The following ZSWIM6 variants were observed in gnomAD, a reference collection of about 807,000 sequenced individuals.
The protein encoded by ZSWIM6 is zinc finger SWIM-type containing 6, also known as zinc finger SWIM domain-containing protein 6.
A neutral mutation model predicts 113.2 loss-of-function variants in ZSWIM6; 9 were observed. The ratio of observed to expected loss-of-function variants is 0.08; its 90% CI spans 0.05 to 0.14. The LOEUF (loss-of-function observed/expected upper bound fraction) is 0.14, where lower values mean the gene tolerates loss of function less well. Among genes scored for constraint, ZSWIM6 ranks in the 10% least tolerant of loss-of-function variants. The probability of loss-of-function intolerance (pLI) is 1.00; values close to 1 mark genes in which losing one functional copy is unlikely to be tolerated. For synonymous variants in ZSWIM6, 611 were observed against 606.5 expected (o/e 1.01, Z -0.11); for missense variants, 1,162 against 1,552.2 (o/e 0.75, Z 4.22).
intron 1 of ZSWIM6, among the ~76,000 whole-genome samples, chr5:61,369,773 C>T (rs979306640): frequency 6.6e-6 from 1 of 152,128 alleles, no homozygotes; most frequent in Non-Finnish European, 1.5e-5. Flanking sequence ...CCTGCCATAC[C>T]TCAGAAACTG....
chr5:61,411,958 A>G (rs1746155864), intron 1 of ZSWIM6, among the ~76,000 whole-genome samples: 1 of 152,218 alleles, frequency 6.6e-6, no homozygotes, highest in Non-Finnish European at 1.5e-5. Flanking sequence ...TAGGAAATTA[A>G]TCAAAGACAT....
intron 1 of ZSWIM6, among the ~76,000 whole-genome samples, chr5:61,415,658 A>G (rs947499895): frequency 6.6e-6 from 1 of 151,822 alleles, no homozygotes; most frequent in Non-Finnish European, 1.5e-5. Context: ...TGGATATGAC[A>G]TGGGGACTGA....
At chr5:61,422,293 A>G (rs1465577643) in intron 1 of ZSWIM6, among the ~76,000 whole-genome samples, 1 of 152,168 alleles carries the variant, frequency 6.6e-6, no homozygotes, top group East Asian at 1.9e-4. Flanking sequence ...ATGGATATCT[A>G]ATTTTCCCAG....
intron 1 of ZSWIM6, among the ~76,000 whole-genome samples, chr5:61,444,209 G>A (rs1579999445): frequency 6.7e-6 from 1 of 148,208 alleles, no homozygotes; most frequent in Non-Finnish European, 1.5e-5. Flanking sequence ...TTGGTTTTTT[G>A]TCCCTGCGAT....
chr5:61,341,389 T>G (rs1388042605), intron 1 of ZSWIM6, among the ~76,000 whole-genome samples: 1 of 152,242 alleles, frequency 6.6e-6, no homozygotes, highest in Non-Finnish European at 1.5e-5. Context: ...CATCTCACAT[T>G]CATTTCAATG....
intron 9 of ZSWIM6, among the ~76,000 whole-genome samples, chr5:61,532,125 C>T (rs1749451357): frequency 6.6e-6 from 1 of 152,176 alleles, no homozygotes; most frequent in Admixed American, 6.5e-5. Context: ...GCTGGCCTTC[C>T]TCCAAATTAT....
intron 1 of ZSWIM6, among the ~76,000 whole-genome samples, chr5:61,431,308 G>C (rs1365657109): frequency 6.9e-6 from 1 of 145,854 alleles, no homozygotes; most frequent in East Asian, 2.1e-4. Context: ...GGGAGGCAGA[G>C]GTTGCAGTGA....
intron 1 of ZSWIM6, among the ~76,000 whole-genome samples, chr5:61,383,579 A>C (rs1745529278): frequency 6.6e-6 from 1 of 151,810 alleles, no homozygotes; most frequent in Non-Finnish European, 1.5e-5. Flanking sequence ...TCTGTTGCCC[A>C]GGCTGGAGTG....
intron 9 of ZSWIM6, among the ~76,000 whole-genome samples, chr5:61,533,652 A>T (rs1749502312): frequency 6.6e-6 from 1 of 152,212 alleles, no homozygotes; most frequent in Admixed American, 6.5e-5. Flanking sequence ...CCTGAATAGT[A>T]CAAAAAAGGT....
intron 1 of ZSWIM6, among the ~76,000 whole-genome samples, chr5:61,334,988 G>A (rs1744363553): frequency 2.6e-5 from 4 of 152,008 alleles, no homozygotes; most frequent in Admixed American, 2.6e-4. Flanking sequence ...TTTCTTGGCT[G>A]ATTGCATTTA....
At chr5:61,538,223 G>A (rs1258844087) in intron 10 of ZSWIM6, among the ~76,000 whole-genome samples, 1 of 152,226 alleles carries the variant, frequency 6.6e-6, no homozygotes, top group Non-Finnish European at 1.5e-5. Context: ...AATATGGTTG[G>A]TAGAACATAG....
At chr5:61,438,329 C>T (rs1310642685) in intron 1 of ZSWIM6, among the ~76,000 whole-genome samples, 3 of 152,174 alleles carry the variant, frequency 2.0e-5, no homozygotes, top group Non-Finnish European at 4.4e-5. Context: ...AAATTTAACA[C>T]CTCTTCTGCT....
chr5:61,340,274 A>G (rs748294387), intron 1 of ZSWIM6, among the ~76,000 whole-genome samples: 118 of 152,316 alleles, frequency 7.7e-4, no homozygotes, highest in Non-Finnish European at 7.8e-4. Context: ...TTGCTTGAGT[A>G]TGCTAAATGT....
chr5:61,506,411 T>A (rs1383286647), intron 4 of ZSWIM6, among the ~76,000 whole-genome samples: 1 of 151,822 alleles, frequency 6.6e-6, no homozygotes, highest in African/African-American at 2.4e-5. Flanking sequence ...AGTGAAACCC[T>A]ATATCTACTG....
At chr5:61,532,016 T>C (rs1326839606) in intron 9 of ZSWIM6, among the ~76,000 whole-genome samples, 1 of 152,196 alleles carries the variant, frequency 6.6e-6, no homozygotes, top group Non-Finnish European at 1.5e-5. Context: ...ATTCAGACTG[T>C]GTTGTTCCTG....
intron 4 of ZSWIM6, among the ~76,000 whole-genome samples, chr5:61,495,520 C>T (rs1237720768): frequency 6.6e-6 from 1 of 152,086 alleles, no homozygotes; most frequent in Admixed American, 6.6e-5. Context: ...TTTTCCCTGG[C>T]AATTTTCTTA....
At chr5:61,495,267 C>T (rs1748284757) in intron 4 of ZSWIM6, among the ~76,000 whole-genome samples, 2 of 151,966 alleles carry the variant, frequency 1.3e-5, no homozygotes, top group South Asian at 2.1e-4. Context: ...TGCTGTTGTC[C>T]GTGAAGATAC....
At chr5:61,397,588 A>G (rs1745863981) in intron 1 of ZSWIM6, among the ~76,000 whole-genome samples, 1 of 152,220 alleles carries the variant, frequency 6.6e-6, no homozygotes, top group Admixed American at 6.5e-5. Flanking sequence ...TTGTTTTAAA[A>G]ACATGAACCT....
At chr5:61,463,251 A>G (rs1030262540) in intron 1 of ZSWIM6, among the ~76,000 whole-genome samples, 1 of 152,184 alleles carries the variant, frequency 6.6e-6, no homozygotes, top group Non-Finnish European at 1.5e-5. Flanking sequence ...TTTATTTTGT[A>G]ATGCTCAGAC....
Sources: allele counts gnomAD v4.1 joint callset (sites outside exome capture counted in the v4.1 genomes callset), GRCh38; gene constraint gnomAD v4.1.1; transcripts MANE v1.5; gene names NCBI Gene and HGNC (gene_info 2026-07-23, HGNC 2026-07-21).